DPYD: variants seen among roughly 807,000 people sequenced by gnomAD.
DPYD encodes the protein dihydropyrimidine dehydrogenase [NADP(+)].
In DPYD, 109 loss-of-function variants were observed where a neutral mutation model predicts 116.2. The observed-to-expected ratio is 0.94, with a 90% CI of 0.80 to 1.10. The LOEUF is 1.10. DPYD is among the 50% of genes least tolerant of loss of function. The pLI, the probability that DPYD is intolerant of heterozygous loss-of-function variation, is 0.00. For synonymous variants in DPYD, 440 were observed against 432.0 expected, an observed-to-expected ratio of 1.02 and a Z score of -0.23; for missense variants, 1,302 against 1,254.5, an observed-to-expected ratio of 1.04 and a Z score of -0.57.
At chr1:97,331,629 A>C (rs1212884201) in intron 16 of DPYD, among the ~76,000 whole-genome samples, 2 of 152,324 alleles carry the variant, frequency 1.3e-5, no homozygotes, top group African/African-American at 4.8e-5. Flanking sequence ...AAAGCAAAGA[A>C]GGAGGAAAGA....
At chr1:97,527,080 T>G (rs1468701515) in intron 12 of DPYD, among the ~76,000 whole-genome samples, 1 of 151,840 alleles carries the variant, frequency 6.6e-6, no homozygotes, top group Non-Finnish European at 1.5e-5. Flanking sequence ...CAACCTTTTT[T>G]TTTTTTCTTT....
At chr1:97,190,056 C>T (rs114379890) in intron 20 of DPYD, among the ~76,000 whole-genome samples, 1,583 of 152,272 alleles carry the variant, frequency 0.01, 16 homozygotes, top group Non-Finnish European at 0.016. Flanking sequence ...GATTAAGTAA[C>T]TTGCCCAAGT....
Position 97,269,091 on chromosome 1 carries a change from G to A in DPYD, c.2300-34097C>T, listed in dbSNP as rs77059604. Among the ~76,000 whole-genome samples the A allele has an allele frequency of 6.9e-3, 1,052 of 152,116 alleles. 22 individuals carry two copies. Among genetic ancestry groups the A allele is most frequent in the African/African-American group, 0.024 (990 of 41,494 alleles). ...TATCCTGCCAGATGTTGTTTAGATA[G>A]TTCTTCTTAAGTTCTGTCTTCCACG... On this transcript the variant is annotated intron_variant, in intron 18 of 22. Coordinates refer to ENST00000370192, the MANE Select transcript of DPYD (RefSeq NM_000110.4).
chr1:97,297,998 C>A (rs192482601), intron 18 of DPYD, among the ~76,000 whole-genome samples: 1 of 152,028 alleles, frequency 6.6e-6, no homozygotes, highest in Admixed American at 6.6e-5. Context: ...ACTCTGAGAC[C>A]TCAAAGACTG....
In DPYD at chr1:97,469,195, C is replaced by T. The variant is rs865992338; in HGVS notation, c.1741-18972G>A. Among the ~76,000 whole-genome samples the T allele has an allele frequency of 9.2e-5, 14 of 151,858 alleles. 1 individual carries two copies. The South Asian group carries it at 2.5e-3, about 27-fold the overall frequency. ...CTAATATCTGTAATGTTTGATAGCACTAGATATAATTATTTTCAAATTTAG... is the reference window on the plus strand; with the variant it reads ...CTAATATCTGTAATGTTTGATAGCATTAGATATAATTATTTTCAAATTTAG... On this transcript the variant is annotated intron_variant, in intron 13 of 22. Transcript: ENST00000370192.
At chr1:97,197,664 G>C (rs1658908807) in intron 19 of DPYD, among the ~76,000 whole-genome samples, 1 of 152,162 alleles carries the variant, frequency 6.6e-6, no homozygotes, top group Admixed American at 6.5e-5. Context: ...TCAGAATGTA[G>C]ACTTGGGATC....
chr1:97,682,132 C>T (rs1275675327), intron 7 of DPYD, among the ~76,000 whole-genome samples: 2 of 152,008 alleles, frequency 1.3e-5, no homozygotes, highest in Admixed American at 6.6e-5. Context: ...AAGAAAGATG[C>T]TCATTCTGTA....
intron 18 of DPYD, among the ~76,000 whole-genome samples, chr1:97,260,877 A>G (rs941663642): frequency 1.3e-5 from 2 of 152,116 alleles, no homozygotes; most frequent in Non-Finnish European, 2.9e-5. Context: ...GGGAGTTCAG[A>G]GAGCAGGCAA....
chr1:97,347,199 G>A (rs1167115973), intron 16 of DPYD, among the ~76,000 whole-genome samples: 1 of 151,628 alleles, frequency 6.6e-6, no homozygotes, highest in African/African-American at 2.4e-5. Context: ...TTTTATTTCT[G>A]ATTTTAAAGA....
chr1:97,549,877 T>C (rs1651191326), intron 11 of DPYD, 133 bp from the exon 12 acceptor site: 2 of 854,378 alleles, frequency 2.3e-6, no homozygotes, highest in Non-Finnish European at 3.6e-6. Context: ...TAGTAAACTA[T>C]AAAAATGAAA....
rs1362556457 is a variant in DPYD, at chr1:97,450,043, G to A, written c.1905+16C>T. 2.5e-6 allele frequency: 4 copies of A among 1,613,682 alleles called. 1 individual carries two copies. The South Asian group carries it at 4.4e-5, about 18-fold the overall frequency. ...TTATGCCAATTCTCTTGTTTTAGAT[G>A]TTAAATCACACTTACGTTGTCTGGA... On this transcript the variant is annotated intron_variant, in intron 14 of 22. Coordinates refer to ENST00000370192, the MANE Select transcript of DPYD (RefSeq NM_000110.4).
intron 8 of DPYD, among the ~76,000 whole-genome samples, chr1:97,644,113 GA>G (rs925057177): frequency 1.3e-5 from 2 of 149,640 alleles, no homozygotes; most frequent in Admixed American, 6.7e-5. Context: ...TTTAAAATCT[GA>G]AAAAAAAAGA....
chr1:97,828,152 C>T lies in DPYD; in HGVS notation c.195G>A (p.Thr65=), dbSNP rs1489891273. Reference sequence around the variant, plus strand: ...GGAGAGCTCCTCGCTCACCAAGAGTCGTGTGCTTGATGTCATCAAAATTAT... The same window carrying T: ...GGAGAGCTCCTCGCTCACCAAGAGTTGTGTGCTTGATGTCATCAAAATTAT... ...LENNFDDIKH[T]TLGERGALRE... Residue 65 remains threonine (T), a synonymous_variant, in exon 3 of 23, where the codon ACG becomes ACA. Coordinates refer to ENST00000370192, the MANE Select transcript of DPYD (RefSeq NM_000110.4). 4.3e-6 allele frequency: 7 copies of T among 1,613,548 alleles called. No individual in the cohort carries two copies. The highest frequency in any genetic ancestry group is 4.5e-5 in the East Asian group (2 of 44,874).
At chr1:97,428,387 T>C (rs559404445) in intron 14 of DPYD, among the ~76,000 whole-genome samples, 1 of 152,262 alleles carries the variant, frequency 6.6e-6, no homozygotes, top group Admixed American at 6.5e-5. Context: ...GAAAGGCAGT[T>C]CTTCAAATTC....
chr1:97,320,210 A>T (rs1173449678), intron 16 of DPYD, among the ~76,000 whole-genome samples: 8 of 138,832 alleles, frequency 5.8e-5, no homozygotes, highest in Non-Finnish European at 1.2e-4. Context: ...CCTATTCAAC[A>T]TAGTGTTGGA....
chr1:97,906,713 G>T (rs1202660667), intron 1 of DPYD, among the ~76,000 whole-genome samples: 1 of 151,998 alleles, frequency 6.6e-6, no homozygotes, highest in Admixed American at 6.6e-5. Flanking sequence ...CGTTGTAACT[G>T]AGCACTTCTC....
At chr1:97,179,735 T>C (rs946958361) in intron 20 of DPYD, among the ~76,000 whole-genome samples, 2 of 152,118 alleles carry the variant, frequency 1.3e-5, no homozygotes, top group African/African-American at 2.4e-5. Flanking sequence ...TAGTCACATC[T>C]TCTCAGACAC....
rs1329240871 is a variant in DPYD at position 97,134,008 on chromosome 1, AAAAAAAATATATATATATATAT to A, written c.2623-35398_2623-35377del. On this transcript the variant is annotated intron_variant, in intron 20 of 22. Coordinates refer to ENST00000370192, the MANE Select transcript of DPYD (RefSeq NM_000110.4). Reference sequence around the variant, plus strand: ...AGCCAGACTCTGTTTCAAAAAAAAAAAAAAAAATATATATATATATATATATATATATATATATATATATATA... The same window carrying A: ...AGCCAGACTCTGTTTCAAAAAAAAAAATATATATATATATATATATATATA... 1.5e-4 allele frequency among the ~76,000 whole-genome samples: 6 copies of A among 39,590 alleles called. 1 individual carries two copies. Among genetic ancestry groups the A allele is most frequent in the East Asian group, 1.1e-3 (1 of 940 alleles). The allele number at this position is 39,590 out of a possible 152,430, so 26.0% of individuals were successfully genotyped here. A position where few individuals can be genotyped will look rare whatever the true frequency, so the allele number is the denominator to read the frequency against.
intron 1 of DPYD, among the ~76,000 whole-genome samples, chr1:97,914,254 C>A (rs1213813457): frequency 4.6e-5 from 7 of 152,064 alleles, no homozygotes; most frequent in Non-Finnish European, 8.8e-5. Context: ...TATCTCCAAC[C>A]AACTGTTTCC....
Sources: allele counts gnomAD v4.1 joint callset (sites outside exome capture counted in the v4.1 genomes callset), GRCh38; gene constraint gnomAD v4.1.1; transcripts MANE v1.5; gene names NCBI Gene and HGNC (gene_info 2026-07-23, HGNC 2026-07-21).